Variants in FRMPD4 observed in about 807,000 individuals in gnomAD.
The protein encoded by FRMPD4 is FERM and PDZ domain-containing protein 4.
In FRMPD4, 22 loss-of-function variants were observed where a neutral mutation model predicts 94.1. The observed-to-expected ratio is 0.23, with a 90% confidence interval of 0.17 to 0.33. The LOEUF is 0.33. FRMPD4 is among the 10% of genes least tolerant of loss of function. FRMPD4 has a pLI of 1.00. For missense variants in FRMPD4, 1,111 were observed against 1,339.9 expected (o/e 0.83, Z 2.67); for synonymous variants, 631 against 548.6 (o/e 1.15, Z -2.10).
At chrX:12,123,669 G>T (rs2055475667) in intron 3 of FRMPD4, among the ~76,000 whole-genome samples, 1 of 111,645 alleles carries the variant, frequency 9.0e-6, no homozygotes, top group Non-Finnish European at 1.9e-5. Flanking sequence ...CTTGTATATT[G>T]TTGGGCATTT....
chrX:12,419,649 C>T (rs2056856639), intron 1 of FRMPD4, among the ~76,000 whole-genome samples: 1 of 111,247 alleles, frequency 9.0e-6, no homozygotes, highest in Non-Finnish European at 1.9e-5. Context: ...CCAACCCAGT[C>T]AAATCTGGCT....
intron 2 of FRMPD4, among the ~76,000 whole-genome samples, chrX:12,546,799 C>T (rs182327965): frequency 9.1e-6 from 1 of 109,584 alleles, no homozygotes; most frequent in Admixed American, 9.9e-5. Context: ...CCAGCAAACG[C>T]CATAGAGGTG....
intron 1 of FRMPD4, among the ~76,000 whole-genome samples, chrX:12,475,126 G>T (rs112519014): frequency 5.4e-5 from 6 of 111,862 alleles, no homozygotes; most frequent in African/African-American, 2.0e-4. Context: ...GATCAAGTGG[G>T]CTTCATACCT....
intron 3 of FRMPD4, among the ~76,000 whole-genome samples, chrX:11,887,502 A>G (rs2053852504): frequency 8.9e-6 from 1 of 112,345 alleles, no homozygotes; most frequent in African/African-American, 3.2e-5. Context: ...CTCTTGGCAG[A>G]CAGCACCTTC....
At chrX:12,493,442 C>A (rs1438494) in intron 1 of FRMPD4, among the ~76,000 whole-genome samples, 4 of 111,533 alleles carry the variant, frequency 3.6e-5, no homozygotes, top group African/African-American at 1.3e-4. Context: ...CGATGAATGA[C>A]CGAATGCATA....
chrX:11,825,697 A>G (rs2053440014), intron 1 of FRMPD4, among the ~76,000 whole-genome samples: 1 of 112,065 alleles, frequency 8.9e-6, no homozygotes, highest in Non-Finnish European at 1.9e-5. Flanking sequence ...AGTGAAATCC[A>G]AACAAGATTA....
At chrX:12,162,005 C>T (rs182631600) in intron 1 of FRMPD4, among the ~76,000 whole-genome samples, 1 of 111,399 alleles carries the variant, frequency 9.0e-6, no homozygotes, top group Admixed American at 9.6e-5. Context: ...CATTTGGACC[C>T]ATACGGCCTT....
chrX:12,656,854 C>T (rs922584715), intron 4 of FRMPD4, among the ~76,000 whole-genome samples: 18 of 111,041 alleles, frequency 1.6e-4, no homozygotes, highest in African/African-American at 5.2e-4. Context: ...TTTGGGAGGC[C>T]GAGGCAGGCA....
intron 2 of FRMPD4, among the ~76,000 whole-genome samples, chrX:12,529,899 C>T (rs1602079224): frequency 1.2e-5 from 1 of 86,339 alleles, no homozygotes; most frequent in Non-Finnish European, 2.1e-5. Context: ...GATGTGTACT[C>T]ATATGGTTGG....
chrX:12,129,201 C>T (rs1477618489), intron 3 of FRMPD4, among the ~76,000 whole-genome samples: 2 of 111,843 alleles, frequency 1.8e-5, no homozygotes, highest in African/African-American at 6.5e-5. Flanking sequence ...TGAAGAAATA[C>T]CCAAGACTGG....
chrX:12,137,881 G>A (rs1460749389), upstream of FRMPD4, among the ~76,000 whole-genome samples: 1 of 111,817 alleles, frequency 8.9e-6, no homozygotes, highest in African/African-American at 3.3e-5. Context: ...CTCGCTCTGC[G>A]TGGCAGACCC....
intron 1 of FRMPD4, among the ~76,000 whole-genome samples, chrX:12,284,558 G>A (rs775565146): frequency 1.1e-4 from 12 of 111,884 alleles, no homozygotes; most frequent in Admixed American, 7.6e-4. Flanking sequence ...GTGTTCCCTA[G>A]ATAGTGAAGC....
At chrX:12,291,625 T>G (rs1015188708) in intron 1 of FRMPD4, among the ~76,000 whole-genome samples, 20 of 112,230 alleles carry the variant, frequency 1.8e-4, no homozygotes, top group Non-Finnish European at 3.8e-4. Context: ...CTCTTCTTGT[T>G]TCTCCTAATC....
At chrX:12,686,559 T>C (rs769277809) in intron 7 of FRMPD4, among the ~76,000 whole-genome samples, 1 of 112,478 alleles carries the variant, frequency 8.9e-6, no homozygotes, top group South Asian at 3.8e-4. Flanking sequence ...TTCTCAGCAA[T>C]ATCAGCTGCT....
At chrX:12,085,718 A>G (rs186824164) in intron 3 of FRMPD4, among the ~76,000 whole-genome samples, 164 of 110,431 alleles carry the variant, frequency 1.5e-3, no homozygotes, top group Non-Finnish European at 2.3e-3. Context: ...CAAAAAATAT[A>G]AAAATTAGCC....
intron 2 of FRMPD4, among the ~76,000 whole-genome samples, chrX:12,541,543 G>T (rs1010902860): frequency 9.0e-6 from 1 of 111,540 alleles, no homozygotes; most frequent in African/African-American, 3.3e-5. Context: ...AAACCAGGAA[G>T]AACTTGAATC....
At chrX:11,943,160 G>T (rs1035948023) in intron 3 of FRMPD4, among the ~76,000 whole-genome samples, 1 of 111,473 alleles carries the variant, frequency 9.0e-6, no homozygotes, top group African/African-American at 3.3e-5. Context: ...AGGTACTATA[G>T]ATGAGAGCCT....
intron 3 of FRMPD4, among the ~76,000 whole-genome samples, chrX:12,065,582 A>G (rs907698336): frequency 1.8e-5 from 2 of 111,812 alleles, no homozygotes; most frequent in African/African-American, 6.5e-5. Flanking sequence ...GAATGTGAGT[A>G]GCTCTTCTGG....
At position 11,923,938 on chromosome X, in the gene FRMPD4, G is replaced by C. The variant is rs753509166; in HGVS notation, c.95+45920G>C. Reference sequence around the variant, plus strand: ...GGGTTTGGAACCAGGCTGAGATTGAGACAGCTGAAATGACAGAATTCAGAA... The same window carrying C: ...GGGTTTGGAACCAGGCTGAGATTGACACAGCTGAAATGACAGAATTCAGAA... On this transcript the variant is annotated intron_variant, in intron 3 of 18. Transcript: ENST00000640291. 1.8e-5 allele frequency among the ~76,000 whole-genome samples: 2 copies of C among 112,036 alleles called. 1 individual carries two copies. Among genetic ancestry groups the C allele is most frequent in the South Asian group, 7.5e-4 (2 of 2,656 alleles).
Sources: allele counts gnomAD v4.1 joint callset (sites outside exome capture counted in the v4.1 genomes callset), GRCh38; gene constraint gnomAD v4.1.1; transcripts MANE v1.5; gene names NCBI Gene and HGNC (gene_info 2026-07-23, HGNC 2026-07-21).